Variants in SEPTIN7 observed in about 807,000 individuals in gnomAD.
SEPTIN7 encodes the protein septin-7.
A neutral mutation model predicts 63.3 loss-of-function variants in SEPTIN7; 10 were observed. The observed-to-expected ratio is 0.16, with a 90% CI of 0.10 to 0.27. The LOEUF is 0.27. Ranked by LOEUF, SEPTIN7 falls within the 10% of genes least tolerant of loss-of-function variation. The probability of loss-of-function intolerance (pLI) is 1.00; values close to 1 mark genes in which losing one functional copy is unlikely to be tolerated. For synonymous variants in SEPTIN7, 131 were observed against 165.3 expected, an observed-to-expected ratio of 0.79 and a Z score of 1.59; for missense variants, 310 against 521.0, an observed-to-expected ratio of 0.59 and a Z score of 3.94.
chr7:35,841,018 A>C (rs1236893172), intron 3 of SEPTIN7, among the ~76,000 whole-genome samples: 1 of 152,154 alleles, frequency 6.6e-6, no homozygotes, highest in Non-Finnish European at 1.5e-5. Context: ...TTAATCATGG[A>C]ACAGTGTAGT....
chr7:35,871,899 G>A lies in SEPTIN7; in HGVS notation c.277-767G>A, dbSNP rs530334731. On this transcript the variant is annotated intron_variant, in intron 4 of 13. Transcript: ENST00000350320. ...GCATTTAACAGCAGCATATGCCCAG[G>A]ATGAATGATAATACATCTTCTGATA... 1.5e-4 allele frequency among the ~76,000 whole-genome samples: 23 copies of A among 152,256 alleles called. No individual in the cohort carries two copies. In the South Asian group the frequency reaches 4.8e-3, roughly 32 times the overall value.
chr7:35,910,751 A>G (rs114919845), downstream of SEPTIN7, among the ~76,000 whole-genome samples: 371 of 152,364 alleles, frequency 2.4e-3, 2 homozygotes, highest in African/African-American at 8.5e-3. Flanking sequence ...ATCTAGCATT[A>G]TTAACTTCAA....
intron 1 of SEPTIN7, among the ~76,000 whole-genome samples, chr7:35,803,742 TAA>T (rs984593444): frequency 3.3e-5 from 5 of 152,330 alleles, no homozygotes; most frequent in African/African-American, 1.2e-4. Context: ...TTTTTTGTAC[TAA>T]GTTTGGACTG....
intron 4 of SEPTIN7, among the ~76,000 whole-genome samples, chr7:35,866,777 C>T (rs1418716253): frequency 6.6e-6 from 1 of 152,152 alleles, no homozygotes; most frequent in Non-Finnish European, 1.5e-5. Context: ...GACCTCAGGA[C>T]CCTGAGTTAT....
At chr7:35,867,585 C>T (rs1188107366) in intron 4 of SEPTIN7, among the ~76,000 whole-genome samples, 8 of 150,344 alleles carry the variant, frequency 5.3e-5, no homozygotes, top group Middle Eastern at 3.5e-3. Flanking sequence ...CCTGACCTCA[C>T]GTGATCCGCC....
At position 35,828,715 on chromosome 7, in the gene SEPTIN7, A is replaced by G. The variant is rs148859828; in HGVS notation, c.62-2777A>G. Among the ~76,000 whole-genome samples the G allele has an allele frequency of 2.0e-3, 309 of 152,064 alleles. 2 individuals carry two copies. The highest frequency in any genetic ancestry group is 6.9e-3 in the African/African-American group (286 of 41,508). Reference sequence around the variant, plus strand: ...TCTATAGTCTGTCTTTGGGAATCCAATCCTGTTTCAATAGTATCTGCATGG... The same window carrying G: ...TCTATAGTCTGTCTTTGGGAATCCAGTCCTGTTTCAATAGTATCTGCATGG... On this transcript the variant is annotated intron_variant, in intron 1 of 13. Coordinates refer to ENST00000350320, the MANE Select transcript of SEPTIN7 (RefSeq NM_001788.6).
Position 35,810,771 on chromosome 7 carries a change from GT to G in SEPTIN7, c.61+9514del, listed in dbSNP as rs757177376. ...CATTCAGATTGTAATGAGTTAATGA[GT>G]TTTTTTTTTTTTGAGACAGAGGCTC... On this transcript the variant is annotated intron_variant, in intron 1 of 13. Coordinates refer to ENST00000350320, the MANE Select transcript of SEPTIN7 (RefSeq NM_001788.6). Among the ~76,000 whole-genome samples the G allele has an allele frequency of 3.3e-3, 476 of 144,004 alleles. 2 individuals carry two copies. The highest frequency in any genetic ancestry group is 5.3e-3 in the South Asian group (24 of 4,560). 94.5% of individuals were successfully genotyped at this position (144,004 alleles called of 152,430 possible).
intron 1 of SEPTIN7, among the ~76,000 whole-genome samples, chr7:35,810,891 C>G (rs1788662080): frequency 2.6e-5 from 4 of 151,942 alleles, no homozygotes; most frequent in African/African-American, 9.7e-5. Context: ...CTCAGCCTCC[C>G]GAGTAGCTGG....
intron 3 of SEPTIN7, among the ~76,000 whole-genome samples, chr7:35,857,215 AACTCAAGAATAAATG>A (rs2116102087): frequency 6.6e-6 from 1 of 152,348 alleles, no homozygotes; most frequent in Admixed American, 6.5e-5. Context: ...TAACAGAAAT[AACTCAAGAATAAATG>A]TGGAGTTGAG....
chr7:35,849,261 C>T (rs1372760574), intron 3 of SEPTIN7, among the ~76,000 whole-genome samples: 1 of 152,050 alleles, frequency 6.6e-6, no homozygotes, highest in Non-Finnish European at 1.5e-5. Context: ...GTTTTTTTGG[C>T]ACCAGGGACT....
At chr7:35,880,608 C>G (rs1369445674) in intron 7 of SEPTIN7, among the ~76,000 whole-genome samples, 2 of 151,672 alleles carry the variant, frequency 1.3e-5, no homozygotes, top group Non-Finnish European at 2.9e-5. Flanking sequence ...TCTTTTTATT[C>G]TGGATATTTA....
intron 9 of SEPTIN7, among the ~76,000 whole-genome samples, chr7:35,885,399 TTAAAAA>T (rs1185046395): frequency 1.3e-5 from 2 of 152,194 alleles, no homozygotes; most frequent in Non-Finnish European, 2.9e-5. Context: ...GATACATTCT[TTAAAAA>T]TAAAAGTAAA....
chr7:35,816,514 T>C (rs1367688777), intron 1 of SEPTIN7, among the ~76,000 whole-genome samples: 1 of 152,202 alleles, frequency 6.6e-6, no homozygotes, highest in Non-Finnish European at 1.5e-5. Flanking sequence ...TTGACTATTA[T>C]GGATAATGCT....
chr7:35,820,422 T>C (rs781541037), intron 1 of SEPTIN7, among the ~76,000 whole-genome samples: 8 of 152,150 alleles, frequency 5.3e-5, no homozygotes, highest in Non-Finnish European at 1.0e-4. Flanking sequence ...TCTCTGGCTC[T>C]GTTCATTTTT....
chr7:35,889,852 A>G (rs1193690928), intron 10 of SEPTIN7, among the ~76,000 whole-genome samples: 1 of 152,052 alleles, frequency 6.6e-6, no homozygotes, highest in East Asian at 1.9e-4. Context: ...CCAACAATAC[A>G]CCTTTGTGTT....
At chr7:35,915,645 G>A in the SEPTIN7 span, among the ~76,000 whole-genome samples, 1 of 152,116 alleles carries the variant, frequency 6.6e-6, no homozygotes, top group African/African-American at 2.4e-5. Flanking sequence ...TCTCCTTCCA[G>A]GTCCTGGCTT....
chr7:35,892,303 A>G (rs1161010011), intron 11 of SEPTIN7, among the ~76,000 whole-genome samples: 1 of 152,180 alleles, frequency 6.6e-6, no homozygotes, highest in Non-Finnish European at 1.5e-5. Flanking sequence ...TGTTTGAGGT[A>G]AGCCTCAATA....
At chr7:35,861,503 C>T (rs1045758992) in intron 3 of SEPTIN7, among the ~76,000 whole-genome samples, 9 of 152,186 alleles carry the variant, frequency 5.9e-5, no homozygotes, top group Admixed American at 5.2e-4. Context: ...AGCTTAAGGT[C>T]TTCTTTTCTG....
chr7:35,832,029 C>T, intron 2 of SEPTIN7: 1 of 441,948 alleles, frequency 2.3e-6, no homozygotes, highest in Admixed American at 2.5e-5. Context: ...CATTTCTCAC[C>T]CATGGGTAAG....
Sources: allele counts gnomAD v4.1 joint callset (sites outside exome capture counted in the v4.1 genomes callset), GRCh38; gene constraint gnomAD v4.1.1; transcripts MANE v1.5; gene names NCBI Gene and HGNC (gene_info 2026-07-23, HGNC 2026-07-21).